The following RFTN1 variants were observed in gnomAD, a reference collection of about 807,000 sequenced individuals.
RFTN1 encodes the protein raftlin.
In RFTN1, 26 loss-of-function variants were observed where a neutral mutation model predicts 46.5. That is an observed-to-expected ratio of 0.56 (90% confidence interval 0.41 to 0.78). RFTN1 has a LOEUF of 0.78. Ranked by LOEUF, RFTN1 falls within the 30% of genes least tolerant of loss-of-function variation. The probability of loss-of-function intolerance (pLI) is 0.00; values close to 1 mark genes in which losing one functional copy is unlikely to be tolerated. For synonymous variants in RFTN1, 261 were observed against 284.2 expected, an observed-to-expected ratio of 0.92 and a Z score of 0.82; for missense variants, 693 against 718.7, an observed-to-expected ratio of 0.96 and a Z score of 0.41.
chr3:16,365,398 G>A (rs1407360015), intron 6 of RFTN1, among the ~76,000 whole-genome samples: 1 of 152,158 alleles, frequency 6.6e-6, no homozygotes, highest in Non-Finnish European at 1.5e-5. Flanking sequence ...GACCTGCCTG[G>A]GGGGTTGGTT....
In RFTN1 at chr3:16,501,217, C is replaced by T. The variant is rs529926618; in HGVS notation, c.-8-7340G>A. Among the ~76,000 whole-genome samples the T allele has an allele frequency of 1.1e-3, 171 of 152,140 alleles. 1 individual carries two copies. Among genetic ancestry groups the T allele is most frequent in the Non-Finnish European group, 2.1e-3 (141 of 68,026 alleles). On this transcript the variant is annotated intron_variant, in intron 1 of 9. Coordinates refer to ENST00000334133, the MANE Select transcript of RFTN1 (RefSeq NM_015150.2). ...CTCCAGAAGAAGCTGACCAGCAATG[C>T]GGCACAATGTCCTGTGTCATTTTAA...
chr3:16,324,613 A>AAC (rs1553718056), intron 8 of RFTN1, among the ~76,000 whole-genome samples: 3 of 90,800 alleles, frequency 3.3e-5, no homozygotes, highest in African/African-American at 4.5e-5. Flanking sequence ...AATGTCCCTG[A>AAC]CCCCCCCCCT....
chr3:16,356,251 G>C lies in RFTN1; in HGVS notation c.1146+1681C>G, dbSNP rs1305419586. Among the ~76,000 whole-genome samples the C allele has an allele frequency of 6.6e-6, 1 of 152,146 alleles. No individual in the cohort carries two copies. Among genetic ancestry groups the C allele is most frequent in the Non-Finnish European group, 1.5e-5 (1 of 68,032 alleles). ...TCCTCTGCATCCCATTTCTAGTTAGGAGCATGGACCCTGGAGAGACCATGG... is the reference window on the plus strand; with the variant it reads ...TCCTCTGCATCCCATTTCTAGTTAGCAGCATGGACCCTGGAGAGACCATGG... On this transcript the variant is annotated intron_variant, in intron 7 of 9. Coordinates refer to ENST00000334133, the MANE Select transcript of RFTN1 (RefSeq NM_015150.2). This position sits in a 1 kb window ranked among gnomAD's most constrained non-coding sequence, Gnocchi z 4.9.
intron 2 of RFTN1, among the ~76,000 whole-genome samples, chr3:16,453,218 G>C (rs1039711809): frequency 1.2e-4 from 18 of 152,166 alleles, no homozygotes; most frequent in Non-Finnish European, 2.2e-4. Flanking sequence ...CGCATTCAGA[G>C]CCTATGCTCT....
intron 3 of RFTN1, among the ~76,000 whole-genome samples, chr3:16,419,347 TAGAG>T (rs1168603982): frequency 1.3e-5 from 2 of 152,042 alleles, no homozygotes; most frequent in Non-Finnish European, 2.9e-5. Context: ...TGGGTGGCCT[TAGAG>T]AGAAAGATAC....
rs1015235004 is a variant in RFTN1, at chr3:16,507,771, ACACATACACT to A, written c.-9+5661_-9+5670del. On this transcript the variant is annotated intron_variant, in intron 1 of 9. Transcript: ENST00000334133. The surrounding 1 kb of genome is among the most constrained non-coding windows in gnomAD (Gnocchi z 7.1). ...TGCACACTCACATACACACAAACAC[ACACATACACT>A]CACATACACACAAACACACACAAAC... Among the ~76,000 whole-genome samples the A allele has an allele frequency of 2.0e-5, 3 of 151,736 alleles. No homozygotes were observed. The highest frequency in any genetic ancestry group is 6.6e-5 in the Admixed American group (1 of 15,234).
intron 4 of RFTN1, among the ~76,000 whole-genome samples, chr3:16,391,712 C>T (rs1575210308): frequency 6.6e-6 from 1 of 152,040 alleles, no homozygotes; most frequent in South Asian, 2.1e-4. Context: ...GGCACCGAAA[C>T]GCAGCACACC....
In RFTN1 at chr3:16,498,584, C is replaced by T. The variant is rs564404691; in HGVS notation, c.-8-4707G>A. ...TTTAGAGACTGATTTCTCTGGAGTGCGTGCAACCCTGGCTAAGCAACTGTT... is the reference window on the plus strand; with the variant it reads ...TTTAGAGACTGATTTCTCTGGAGTGTGTGCAACCCTGGCTAAGCAACTGTT... On this transcript the variant is annotated intron_variant, in intron 1 of 9. Coordinates refer to ENST00000334133, the MANE Select transcript of RFTN1 (RefSeq NM_015150.2). This position sits in a 1 kb window ranked among gnomAD's most constrained non-coding sequence, Gnocchi z 5.2. Among the ~76,000 whole-genome samples the T allele has an allele frequency of 3.3e-5, 5 of 152,320 alleles. No homozygotes were observed. Among genetic ancestry groups the T allele is most frequent in the African/African-American group, 4.8e-5 (2 of 41,570 alleles).
chr3:16,398,395 G>T (rs1208861324), intron 4 of RFTN1, among the ~76,000 whole-genome samples: 1 of 152,166 alleles, frequency 6.6e-6, no homozygotes, highest in African/African-American at 2.4e-5. Context: ...CCATTGGCTT[G>T]GATGGAAAAC....
At chr3:16,318,135 T>G (rs1408205694) in intron 9 of RFTN1, among the ~76,000 whole-genome samples, 1 of 152,000 alleles carries the variant, frequency 6.6e-6, no homozygotes, top group African/African-American at 2.4e-5. Context: ...AACCAGGGTC[T>G]CATCAAATCT....
rs73146237 is a variant in RFTN1 at position 16,474,075 on chromosome 3, T to G, written c.145+19650A>C. On this transcript the variant is annotated intron_variant, in intron 2 of 9. Coordinates refer to ENST00000334133, the MANE Select transcript of RFTN1 (RefSeq NM_015150.2). This position sits in a 1 kb window ranked among gnomAD's most constrained non-coding sequence, Gnocchi z 5.5. ...AGGAATTCTTTACATCATTCCTGTC[T>G]TGGGGAGGAAATCTTGCACTTACAT... Among the ~76,000 whole-genome samples, 691 of 152,344 alleles carry G rather than the reference T, an allele frequency of 4.5e-3. 8 individuals carry two copies. Among genetic ancestry groups the G allele is most frequent in the African/African-American group, 0.015 (643 of 41,582 alleles).
In RFTN1 at chr3:16,460,600, AT is replaced by A. The variant is rs1332168787; in HGVS notation, c.146-26564del. Among the ~76,000 whole-genome samples the A allele has an allele frequency of 6.6e-6, 1 of 151,062 alleles. No individual in the cohort carries two copies. The highest frequency in any genetic ancestry group is 1.5e-5 in the Non-Finnish European group (1 of 67,244). Reference sequence around the variant, plus strand: ...AGCAGAGGCTGGGTGGGGAATATATATTTTTTTAACCTAAATCTTCTTCTCA... The same window carrying A: ...AGCAGAGGCTGGGTGGGGAATATATATTTTTTAACCTAAATCTTCTTCTCA... On this transcript the variant is annotated intron_variant, in intron 2 of 9. Coordinates refer to ENST00000334133, the MANE Select transcript of RFTN1 (RefSeq NM_015150.2). This position sits in a 1 kb window ranked among gnomAD's most constrained non-coding sequence, Gnocchi z 4.8.
In RFTN1 at chr3:16,346,640, G is replaced by A. The variant is rs988274362; in HGVS notation, c.1146+11292C>T. On this transcript the variant is annotated intron_variant, in intron 7 of 9. Coordinates refer to ENST00000334133, the MANE Select transcript of RFTN1 (RefSeq NM_015150.2). This position sits in a 1 kb window ranked among gnomAD's most constrained non-coding sequence, Gnocchi z 4.4. ...CCATGACTCTTGACAAGTGGCATGG[G>A]TCTGTGACTCAGTCCTGGCCAATGA... Among the ~76,000 whole-genome samples, 5 of 152,166 alleles carry A rather than the reference G, an allele frequency of 3.3e-5. No homozygotes were observed. Among genetic ancestry groups the A allele is most frequent in the Admixed American group, 2.6e-4 (4 of 15,280 alleles).
rs2069136514 is a variant in RFTN1 at position 16,322,170 on chromosome 3, G to T, written c.1332+1206C>A. On this transcript the variant is annotated intron_variant, in intron 9 of 9. Transcript: ENST00000334133. The surrounding 1 kb of genome is among the most constrained non-coding windows in gnomAD (Gnocchi z 6.2). ...TCCATCTTCCAGCTGGTGGCTGCCT[G>T]CTCCTGGTGGTTGATGGTGGGCTGG... Among the ~76,000 whole-genome samples, 1 of 152,224 alleles carries T rather than the reference G, an allele frequency of 6.6e-6. No homozygotes were observed. Among genetic ancestry groups the T allele is most frequent in the African/African-American group, 2.4e-5 (1 of 41,460 alleles).
At position 16,500,473 on chromosome 3, in the gene RFTN1, G is replaced by A. The variant is rs149071980; in HGVS notation, c.-8-6596C>T. ...CTTTCCCCATTTCTATGGTGAAACA[G>A]TGGGGAAATAATCAAAGCATATATG... On this transcript the variant is annotated intron_variant, in intron 1 of 9. Transcript: ENST00000334133. This position sits in a 1 kb window ranked among gnomAD's most constrained non-coding sequence, Gnocchi z 5.9. 1.4e-3 allele frequency among the ~76,000 whole-genome samples: 215 copies of A among 152,342 alleles called. 1 individual carries two copies. The highest frequency in any genetic ancestry group is 4.8e-3 in the African/African-American group (200 of 41,574).
At position 16,465,668 on chromosome 3, in the gene RFTN1, A is replaced by G. The variant is rs1375394664; in HGVS notation, c.145+28057T>C. 2.6e-5 allele frequency among the ~76,000 whole-genome samples: 4 copies of G among 152,154 alleles called. No homozygotes were observed. Among genetic ancestry groups the G allele is most frequent in the Non-Finnish European group, 1.5e-5 (1 of 68,028 alleles). On this transcript the variant is annotated intron_variant, in intron 2 of 9. Transcript: ENST00000334133. This position sits in a 1 kb window ranked among gnomAD's most constrained non-coding sequence, Gnocchi z 5.1. ...TACGGATGCTAAAAATTTCAGAATT[A>G]TAAGATCACCAAAATTATCACACCC...
intron 3 of RFTN1, among the ~76,000 whole-genome samples, chr3:16,411,192 A>G (rs931109956): frequency 1.3e-5 from 2 of 152,162 alleles, no homozygotes; most frequent in Non-Finnish European, 2.9e-5. Context: ...GAAAATGCAT[A>G]AAGCAGGCAC....
At chr3:16,432,639 T>C (rs571862167) in intron 3 of RFTN1, among the ~76,000 whole-genome samples, 3 of 150,660 alleles carry the variant, frequency 2.0e-5, no homozygotes, top group Admixed American at 1.3e-4. Context: ...GATTTCAAGA[T>C]CAGCCTAGGC....
intron 2 of RFTN1, among the ~76,000 whole-genome samples, chr3:16,462,293 C>G (rs1559359018): frequency 6.6e-6 from 1 of 152,208 alleles, no homozygotes; most frequent in Non-Finnish European, 1.5e-5. Flanking sequence ...TATTGTTAAG[C>G]CCGTACTATT....
Sources: allele counts gnomAD v4.1 joint callset (sites outside exome capture counted in the v4.1 genomes callset), GRCh38; gene constraint gnomAD v4.1.1; non-coding constraint Gnocchi (gnomAD v3.1); transcripts MANE v1.5; gene names NCBI Gene and HGNC (gene_info 2026-07-23, HGNC 2026-07-21).